Variants in TIMM17A observed in about 807,000 individuals in gnomAD.
TIMM17A encodes mitochondrial import inner membrane translocase subunit Tim17-A.
A neutral mutation model predicts 26.5 loss-of-function variants in TIMM17A; 15 were observed. That is an observed-to-expected ratio of 0.57 (90% confidence interval 0.38 to 0.87). TIMM17A has a LOEUF of 0.87. Ranked by LOEUF, TIMM17A falls within the 40% of genes least tolerant of loss-of-function variation. TIMM17A has a pLI of 0.00. For missense variants in TIMM17A, 201 were observed against 210.0 expected (o/e 0.96, Z 0.27); for synonymous variants, 80 against 70.8 (o/e 1.13, Z -0.66).
chr1:201,958,821 T>G (rs748623802), intron 3 of TIMM17A, among the ~76,000 whole-genome samples: 3 of 152,246 alleles, frequency 2.0e-5, no homozygotes, highest in Non-Finnish European at 2.9e-5. Flanking sequence ...TTCTCTTTGC[T>G]TTTCTTAACT....
chr1:201,955,636 A>G, intron 1 of TIMM17A, 84 bp downstream of exon 1: 1 of 1,587,788 alleles, frequency 6.3e-7, no homozygotes, highest in Non-Finnish European at 8.6e-7. Context: ...CCAAGGTGCA[A>G]GCCAGACTCA....
At chr1:201,959,260 G>C (rs1048283051) in intron 3 of TIMM17A, among the ~76,000 whole-genome samples, 1 of 152,176 alleles carries the variant, frequency 6.6e-6, no homozygotes, top group Non-Finnish European at 1.5e-5. Flanking sequence ...GGAGGCTGAC[G>C]CAGGAGAATC....
At chr1:201,966,338 G>A (rs1682625283) in intron 5 of TIMM17A, among the ~76,000 whole-genome samples, 1 of 152,038 alleles carries the variant, frequency 6.6e-6, no homozygotes, top group Non-Finnish European at 1.5e-5. Flanking sequence ...CTCTAGGCTG[G>A]TCGATGGAGC....
At position 201,963,638 on chromosome 1, in the gene TIMM17A, G is replaced by C; in HGVS notation, c.213G>C (p.Gly71=). 6.2e-7 allele frequency: 1 copy of C among 1,604,144 alleles called. No individual in the cohort carries two copies. The highest frequency in any genetic ancestry group is 8.5e-7 in the Non-Finnish European group (1 of 1,177,556). Residue 71 remains glycine (G), a synonymous_variant, in exon 4 of 6, where the codon GGG becomes GGC. Coordinates refer to ENST00000367287, the MANE Select transcript of TIMM17A (RefSeq NM_006335.3). ...TAGGTAGCTTTGCAGTTTGGGGAGG[G>C]CTGTTTTCCATGATTGACTGTAGTA... The part of the protein sequence containing the change: ...QLGGSFAVWG[G]LFSMIDCSMV...
chr1:201,955,691 C>A, intron 1 of TIMM17A, 139 bp downstream of exon 1: 2 of 1,193,440 alleles, frequency 1.7e-6, no homozygotes, highest in Non-Finnish European at 2.4e-6. Flanking sequence ...GCAATGCGGT[C>A]TTTCGCGGCC....
In TIMM17A at chr1:201,962,346, T is replaced by C. The variant is rs527544783; in HGVS notation, c.191-1270T>C. The C allele has an allele frequency of 1.2e-4, 18 of 152,348 alleles. 1 individual carries two copies. Among genetic ancestry groups the C allele is most frequent in the African/African-American group, 4.3e-4 (18 of 41,570 alleles). 9.4% of individuals were successfully genotyped at this position (152,348 alleles called of 1,614,324 possible). Reference sequence around the variant, plus strand: ...CCACTGGTACTATCCACTGGATTTATTTATTTTTTTTATTTTTTGAGACGG... The same window carrying C: ...CCACTGGTACTATCCACTGGATTTACTTATTTTTTTTATTTTTTGAGACGG... On this transcript the variant is annotated intron_variant, in intron 3 of 5. Coordinates refer to ENST00000367287, the MANE Select transcript of TIMM17A (RefSeq NM_006335.3).
chr1:201,963,053 A>G (rs41313890), intron 3 of TIMM17A: 11,280 of 152,530 alleles, frequency 0.074, 495 homozygotes, highest in Middle Eastern at 0.18. Context: ...ACACATATGC[A>G]GCCTGACTGT....
At chr1:201,963,845 A>G in intron 4 of TIMM17A, 101 bp downstream of exon 4, 1 of 1,287,474 alleles carries the variant, frequency 7.8e-7, no homozygotes, top group Admixed American at 3.2e-5. Context: ...CTGATTATTG[A>G]CCAGGCACAT....
chr1:201,955,507 C>T lies in TIMM17A; in HGVS notation c.-20C>T, dbSNP rs565451331. On this transcript the variant is annotated 5_prime_UTR_variant, in exon 1 of 6. Coordinates refer to ENST00000367287, the MANE Select transcript of TIMM17A (RefSeq NM_006335.3). The stretch of plus-strand genomic sequence containing the variant: ...GCTCCGCCCAGCTTGCCCGGCATCA[C>T]TCGCGGCATTGGAGTCAAGATGGAG... 8.7e-6 allele frequency: 14 copies of T among 1,614,264 alleles called. No individual in the cohort carries two copies. The highest frequency in any genetic ancestry group is 1.2e-5 in the Non-Finnish European group (14 of 1,180,054).
intron 3 of TIMM17A, among the ~76,000 whole-genome samples, chr1:201,960,399 C>CA (rs113195075): frequency 0.11 from 15,683 of 138,454 alleles, 895 homozygotes; most frequent in Middle Eastern, 0.19. Context: ...GACTCTGTCT[C>CA]AAAAAAAAAA....
In TIMM17A at chr1:201,957,681, C is replaced by A. The variant is rs140963262; in HGVS notation, c.190+107C>A. The stretch of plus-strand genomic sequence containing the variant: ...AATTAGTGATTTTAGTTTGGTCTAA[C>A]GGTTTGTCACAAACATATATCCCTA... On this transcript the variant is annotated intron_variant, in intron 3 of 5. Coordinates refer to ENST00000367287, the MANE Select transcript of TIMM17A (RefSeq NM_006335.3). 1.6e-3 allele frequency: 1,437 copies of A among 920,924 alleles called. 9 individuals carry two copies. In the African/African-American group the frequency reaches 0.021, roughly 13 times the overall value. 57.0% of individuals were successfully genotyped at this position (920,924 alleles called of 1,614,324 possible).
At chr1:201,959,843 CA>C (rs1045792385) in intron 3 of TIMM17A, among the ~76,000 whole-genome samples, 7 of 149,976 alleles carry the variant, frequency 4.7e-5, no homozygotes, top group Admixed American at 2.0e-4. Flanking sequence ...AAAACAACAA[CA>C]AAAAAAATTA....
intron 5 of TIMM17A, among the ~76,000 whole-genome samples, chr1:201,966,473 G>A (rs1367889772): frequency 6.6e-6 from 1 of 152,122 alleles, no homozygotes; most frequent in Non-Finnish European, 1.5e-5. Context: ...GGGCAACAGA[G>A]CAAGACCCCA....
chr1:201,967,195 A>C (rs1270007754), intron 5 of TIMM17A, among the ~76,000 whole-genome samples: 1 of 151,998 alleles, frequency 6.6e-6, no homozygotes, highest in African/African-American at 2.4e-5. Context: ...GGCACCTAGC[A>C]AGAGATTCAG....
intron 3 of TIMM17A, among the ~76,000 whole-genome samples, chr1:201,961,638 G>A (rs1246068243): frequency 6.6e-6 from 1 of 152,048 alleles, no homozygotes; most frequent in Non-Finnish European, 1.5e-5. Context: ...AATGGCTTGA[G>A]CCCAGGAGTT....
At chr1:201,966,900 T>C (rs1558251834) in intron 5 of TIMM17A, among the ~76,000 whole-genome samples, 3 of 147,248 alleles carry the variant, frequency 2.0e-5, no homozygotes, top group East Asian at 4.0e-4. Context: ...ATGTTATATA[T>C]TATATATGTT....
chr1:201,955,592 T>A (rs1358721733), intron 1 of TIMM17A, 40 bp downstream of exon 1: 2 of 1,613,942 alleles, frequency 1.2e-6, no homozygotes, highest in Non-Finnish European at 8.5e-7. Context: ...CTTGCCCCCC[T>A]GCCCACTGCC....
At chr1:201,955,753 C>T (rs1682398441) in intron 1 of TIMM17A, among the ~76,000 whole-genome samples, 1 of 152,246 alleles carries the variant, frequency 6.6e-6, no homozygotes, top group African/African-American at 2.4e-5. Flanking sequence ...GTGAGCCTCC[C>T]TCTCCCAACC....
At chr1:201,957,696 A>G (rs956808244) in intron 3 of TIMM17A, 122 bp downstream of exon 3, 5 of 730,238 alleles carry the variant, frequency 6.8e-6, no homozygotes, top group South Asian at 1.9e-5. Flanking sequence ...TGTCACAAAC[A>G]TATATCCCTA....
Sources: allele counts gnomAD v4.1 joint callset (sites outside exome capture counted in the v4.1 genomes callset), GRCh38; gene constraint gnomAD v4.1.1; transcripts MANE v1.5; gene names NCBI Gene and HGNC (gene_info 2026-07-23, HGNC 2026-07-21).